RWDD3: variants seen among roughly 807,000 people sequenced by gnomAD.
RWDD3 encodes the protein RWD domain-containing protein 3.
Under a neutral mutation model 26.5 loss-of-function variants are expected in RWDD3, and 30 were observed. The ratio of observed to expected loss-of-function variants is 1.13; its 90% CI spans 0.85 to 1.54. The LOEUF is 1.54. Among genes scored for constraint, RWDD3 ranks in the 40% most tolerant of loss-of-function variants. The probability of loss-of-function intolerance (pLI) is 0.00; values close to 1 mark genes in which losing one functional copy is unlikely to be tolerated. For synonymous variants in RWDD3, 113 were observed against 114.5 expected (o/e 0.99, Z 0.09); for missense variants, 296 against 309.1 (o/e 0.96, Z 0.32).
At chr1:95,235,723 A>T (rs1409464272) in intron 1 of RWDD3, among the ~76,000 whole-genome samples, 1 of 151,926 alleles carries the variant, frequency 6.6e-6, no homozygotes, top group Non-Finnish European at 1.5e-5. Flanking sequence ...ACATTTATTG[A>T]ATCCCTGCTG....
intron 1 of RWDD3, among the ~76,000 whole-genome samples, chr1:95,241,452 A>G (rs999784405): frequency 5.9e-5 from 9 of 152,156 alleles, no homozygotes; most frequent in African/African-American, 2.2e-4. Context: ...ACCCTCCGGT[A>G]TTATGAGGGA....
chr1:95,243,268 G>A (rs1285560149), intron 1 of RWDD3: 2 of 152,206 alleles, frequency 1.3e-5, no homozygotes, highest in Admixed American at 6.5e-5. Flanking sequence ...TTAAAATGGG[G>A]ATACATTCAG....
intron 1 of RWDD3, among the ~76,000 whole-genome samples, chr1:95,238,066 G>A (rs760953481): frequency 5.3e-5 from 8 of 152,128 alleles, no homozygotes; most frequent in Admixed American, 3.3e-4. Flanking sequence ...GATTGGTATT[G>A]TATCACCATT....
chr1:95,241,661 C>G (rs67380262), intron 1 of RWDD3, among the ~76,000 whole-genome samples: 2 of 152,170 alleles, frequency 1.3e-5, no homozygotes, highest in East Asian at 3.9e-4. Context: ...GCATCCGACC[C>G]GCAGACACTG....
intron 1 of RWDD3, among the ~76,000 whole-genome samples, chr1:95,237,158 G>C (rs1488236321): frequency 6.6e-6 from 1 of 151,226 alleles, no homozygotes; most frequent in Non-Finnish European, 1.5e-5. Context: ...TAAGGTAAAG[G>C]CCTTTTTTTT....
chr1:95,234,817 T>A (rs1680229133), intron 1 of RWDD3, among the ~76,000 whole-genome samples: 1 of 152,188 alleles, frequency 6.6e-6, no homozygotes, highest in African/African-American at 2.4e-5. Context: ...GGTAAATGTT[T>A]GTTGACTGAA....
rs1475411262 is a variant in RWDD3, at chr1:95,247,058, A to C, written c.*188A>C. ...AATATTAAACATGAAGAAAACTTGT[A>C]TATTCTAATGTTTGCCAGGAAAGGC... On this transcript the variant is annotated 3_prime_UTR_variant, in exon 4 of 4. Coordinates refer to ENST00000370202, the MANE Select transcript of RWDD3 (RefSeq NM_015485.5). The C allele has an allele frequency of 5.1e-6, 2 of 389,582 alleles. No homozygotes were observed. The highest frequency in any genetic ancestry group is 4.2e-5 in the African/African-American group (2 of 47,998). The allele number at this position is 389,582 out of a possible 1,614,324, so 24.1% of individuals were successfully genotyped here. A position where few individuals can be genotyped will look rare whatever the true frequency, so the allele number is the denominator to read the frequency against.
intron 1 of RWDD3, among the ~76,000 whole-genome samples, chr1:95,236,833 A>C (rs1327209281): frequency 6.6e-6 from 1 of 152,202 alleles, no homozygotes; most frequent in African/African-American, 2.4e-5. Flanking sequence ...AAGAACTGGT[A>C]ATGGTCTGGG....
Position 95,244,575 on chromosome 1 carries a change from A to G in RWDD3, c.450A>G (p.Arg150=), listed in dbSNP as rs1182468671. 3.1e-6 allele frequency: 5 copies of G among 1,614,198 alleles called. No homozygotes were observed. Among genetic ancestry groups the G allele is most frequent in the Non-Finnish European group, 4.2e-6 (5 of 1,180,040 alleles). The change falls in exon 2 of 4, where the codon AGA becomes AGG. Residue 150 remains arginine, a synonymous_variant. Coordinates refer to ENST00000370202, the MANE Select transcript of RWDD3 (RefSeq NM_015485.5). ...WITLLHLDHM[R]AKTKYVKIVE... ...CTCTTTTGCATTTAGATCACATGAG[A>G]GCAAAGACTAAATATGTCAAAATTG...
intron 1 of RWDD3, chr1:95,239,920 A>C: frequency 7.8e-7 from 1 of 1,289,680 alleles, no homozygotes; most frequent in Non-Finnish European, 1.0e-6. Context: ...GTAGGTGTTT[A>C]TATGGCACAG....
chr1:95,244,796 T>G, intron 2 of RWDD3, 98 bp downstream of exon 2: 3 of 1,314,396 alleles, frequency 2.3e-6, no homozygotes, highest in Non-Finnish European at 3.1e-6. Flanking sequence ...AGATTAATTA[T>G]TAAGATGTTT....
intron 2 of RWDD3, 121 bp from the exon 3 acceptor site, chr1:95,246,421 C>A (rs1317788329): frequency 2.4e-5 from 14 of 579,874 alleles, no homozygotes; most frequent in Non-Finnish European, 3.4e-5. Context: ...ATTCTTACTG[C>A]TTGATTTAAA....
At chr1:95,243,745 G>T (rs1204229610) in intron 1 of RWDD3, among the ~76,000 whole-genome samples, 1 of 152,068 alleles carries the variant, frequency 6.6e-6, no homozygotes, top group African/African-American at 2.4e-5. Flanking sequence ...CAACCACAGG[G>T]GATTCCATTG....
chr1:95,244,476 A>C lies in RWDD3; in HGVS notation c.351A>C (p.Gln117His), dbSNP rs1239167971. The C allele has an allele frequency of 2.5e-6, 4 of 1,614,118 alleles. No homozygotes were observed. Among genetic ancestry groups the C allele is most frequent in the Admixed American group, 1.7e-5 (1 of 60,000 alleles). The change falls in exon 2 of 4, where the codon CAA becomes CAC. Residue 117 changes from glutamine (Q) to histidine (H), a missense_variant. Coordinates refer to ENST00000370202, the MANE Select transcript of RWDD3 (RefSeq NM_015485.5). ...AGAATCTCAGGCATATCCTCAGCCA[A>C]CCAGAAACTGGCAGTGGCAGTGAAA... is the stretch of plus-strand genomic sequence containing the variant. ...IQQNLRHILS[Q>H]PETGSGSEKC...
chr1:95,237,964 G>C (rs774312528), intron 1 of RWDD3, among the ~76,000 whole-genome samples: 3 of 152,228 alleles, frequency 2.0e-5, no homozygotes, highest in Non-Finnish European at 4.4e-5. Context: ...TGAGCACCCA[G>C]AGAAAAGATA....
intron 2 of RWDD3, 122 bp from the exon 3 acceptor site, chr1:95,246,420 G>A: frequency 3.4e-6 from 2 of 580,712 alleles, no homozygotes; most frequent in South Asian, 5.2e-5. Context: ...AATTCTTACT[G>A]CTTGATTTAA....
chr1:95,239,701 T>C (rs1680524421), intron 1 of RWDD3: 11 of 1,154,038 alleles, frequency 9.5e-6, no homozygotes, highest in Non-Finnish European at 1.2e-5. Context: ...TCCGAACATA[T>C]AACTAGTATG....
At chr1:95,241,961 C>T (rs1353029457) in intron 1 of RWDD3, among the ~76,000 whole-genome samples, 1 of 146,334 alleles carries the variant, frequency 6.8e-6, no homozygotes, top group Non-Finnish European at 1.5e-5. Context: ...AACTCTCCCA[C>T]ATTCCCTTGT....
chr1:95,234,407 C>A lies in RWDD3; in HGVS notation c.85+92C>A, dbSNP rs1415132652. 5 of 1,177,082 alleles carry A rather than the reference C, an allele frequency of 4.2e-6. No homozygotes were observed. In the East Asian group the frequency reaches 1.0e-4, roughly 25 times the overall value. 72.9% of individuals were successfully genotyped at this position (1,177,082 alleles called of 1,614,324 possible). ...TCCCCACCACGGAGCCTGGGCACCC[C>A]GCCTGGGCCCACGTATGGGGACCGG... On this transcript the variant is annotated intron_variant, in intron 1 of 3. Coordinates refer to ENST00000370202, the MANE Select transcript of RWDD3 (RefSeq NM_015485.5).
Sources: allele counts gnomAD v4.1 joint callset (sites outside exome capture counted in the v4.1 genomes callset), GRCh38; gene constraint gnomAD v4.1.1; transcripts MANE v1.5; gene names NCBI Gene and HGNC (gene_info 2026-07-23, HGNC 2026-07-21).